The following ZNF215 variants were observed in gnomAD, a reference collection of about 807,000 sequenced individuals.
ZNF215 encodes zinc finger protein 215.
ZNF215 carries 24 observed loss-of-function variants against 27.2 expected under a neutral mutation model. The ratio of observed to expected loss-of-function variants is 0.88; its 90% CI spans 0.64 to 1.24. The LOEUF is 1.24. Among genes scored for constraint, ZNF215 ranks in the 50% most tolerant of loss-of-function variants. ZNF215 has a pLI of 0.00. For missense variants in ZNF215, 675 were observed against 605.7 expected (o/e 1.11, Z -1.20); for synonymous variants, 210 against 204.0 (o/e 1.03, Z -0.25).
At chr11:6,942,623 T>TA (rs1421754057) in intron 4 of ZNF215, among the ~76,000 whole-genome samples, 3 of 152,182 alleles carry the variant, frequency 2.0e-5, no homozygotes, top group African/African-American at 7.2e-5. Flanking sequence ...TCCCAAATGA[T>TA]AAGAGTTATC....
intron 5 of ZNF215, among the ~76,000 whole-genome samples, chr11:6,966,554 A>G (rs1001766248): frequency 1.3e-5 from 2 of 152,152 alleles, no homozygotes; most frequent in Admixed American, 1.3e-4. Context: ...ATAATATTCT[A>G]TGGACAGAAT....
At chr11:6,952,620 A>G (rs1590066774) in intron 6 of ZNF215, among the ~76,000 whole-genome samples, 4 of 151,854 alleles carry the variant, frequency 2.6e-5, no homozygotes, top group East Asian at 3.9e-4. Context: ...TTTTGAGCCT[A>G]TGTGTGTCTC....
At chr11:6,973,987 G>A (rs1850776643) in intron 5 of ZNF215, among the ~76,000 whole-genome samples, 1 of 152,086 alleles carries the variant, frequency 6.6e-6, no homozygotes, top group Non-Finnish European at 1.5e-5. Flanking sequence ...TGTACTGAAT[G>A]GTACTGCCTA....
intron 5 of ZNF215, among the ~76,000 whole-genome samples, chr11:6,980,021 C>G (rs2133351955): frequency 6.6e-6 from 1 of 152,166 alleles, no homozygotes; most frequent in Non-Finnish European, 1.5e-5. Flanking sequence ...ATGCGTGCAA[C>G]ACACAACAAA....
At chr11:6,973,315 G>C (rs1033225536) in intron 5 of ZNF215, among the ~76,000 whole-genome samples, 5 of 152,136 alleles carry the variant, frequency 3.3e-5, no homozygotes, top group African/African-American at 1.2e-4. Flanking sequence ...ATTTGGATTG[G>C]TTCCAAGTCT....
downstream of ZNF215, among the ~76,000 whole-genome samples, chr11:6,993,316 T>C (rs1038556960): frequency 1.3e-5 from 2 of 152,222 alleles, no homozygotes; most frequent in African/African-American, 4.8e-5. Flanking sequence ...TCTTAAGGTC[T>C]GGATTGGGAC....
At chr11:6,965,795 A>AT (rs2133326664) in intron 5 of ZNF215, among the ~76,000 whole-genome samples, 1 of 152,138 alleles carries the variant, frequency 6.6e-6, no homozygotes, top group South Asian at 2.1e-4. Flanking sequence ...TTGTGATCTC[A>AT]TTGAGATTTT....
chr11:6,975,518 C>G (rs892698582), intron 5 of ZNF215, among the ~76,000 whole-genome samples: 2 of 151,934 alleles, frequency 1.3e-5, no homozygotes, highest in African/African-American at 4.8e-5. Context: ...CTCCCAGCCC[C>G]TAACTACCCT....
intron 5 of ZNF215, among the ~76,000 whole-genome samples, chr11:6,972,191 C>T (rs1388524): frequency 0.99 from 150,294 of 152,170 alleles, 74,241 homozygotes; most frequent in Middle Eastern, 1. Context: ...CTTTTGTTTT[C>T]TTTGTGGAGA....
chr11:6,975,580 G>A (rs1358608654), intron 5 of ZNF215, among the ~76,000 whole-genome samples: 3 of 151,814 alleles, frequency 2.0e-5, no homozygotes, highest in South Asian at 2.1e-4. Context: ...GAGTTCAATT[G>A]TTTTAACCTT....
chr11:6,928,850 T>C (rs987960671), intron 2 of ZNF215, among the ~76,000 whole-genome samples: 1 of 152,198 alleles, frequency 6.6e-6, no homozygotes, highest in Non-Finnish European at 1.5e-5. Flanking sequence ...CTCTCTTGGC[T>C]GGTGGCTCAA....
At chr11:6,988,220 A>G (rs1052002579), downstream of ZNF215, 1 of 985,332 alleles carries the variant, frequency 1.0e-6, no homozygotes, top group African/African-American at 1.7e-5. Context: ...CGATAGGGAG[A>G]ACACACTGAA....
At chr11:6,948,927 T>C (rs1243443311) in intron 6 of ZNF215, among the ~76,000 whole-genome samples, 4 of 118,176 alleles carry the variant, frequency 3.4e-5, no homozygotes, top group African/African-American at 1.3e-4. Context: ...AGTCCCAGAG[T>C]GTGATGTTCC....
At chr11:6,950,400 A>G (rs374075188) in intron 6 of ZNF215, among the ~76,000 whole-genome samples, 1 of 151,530 alleles carries the variant, frequency 6.6e-6, no homozygotes, top group Non-Finnish European at 1.5e-5. Context: ...TATCCTCTTT[A>G]ATTTCATTGA....
At position 6,945,176 on chromosome 11, in the gene ZNF215, C is replaced by T. The variant is rs188760206; in HGVS notation, c.712+1535C>T. 1.9e-3 allele frequency among the ~76,000 whole-genome samples: 296 copies of T among 152,204 alleles called. 1 individual carries two copies. Among genetic ancestry groups the T allele is most frequent in the Middle Eastern group, 3.4e-3 (1 of 294 alleles). On this transcript the variant is annotated intron_variant, in intron 6 of 6. Transcript: ENST00000278319. Reference sequence around the variant, plus strand: ...ACACTGGGTATTACTTACCCGAATTCTTTATTAATTTCATAGGCAAATTAC... The same window carrying T: ...ACACTGGGTATTACTTACCCGAATTTTTTATTAATTTCATAGGCAAATTAC...
chr11:6,974,364 A>T (rs191580354), intron 5 of ZNF215, among the ~76,000 whole-genome samples: 2,555 of 152,132 alleles, frequency 0.017, 78 homozygotes, highest in East Asian at 0.15. Flanking sequence ...CTTAGGATTG[A>T]CTTGGCCATG....
chr11:6,934,530 T>C (rs906149343), intron 3 of ZNF215, among the ~76,000 whole-genome samples: 4 of 152,166 alleles, frequency 2.6e-5, no homozygotes, highest in Non-Finnish European at 1.5e-5. Flanking sequence ...CCGTTTTCTT[T>C]CTGGGGCTTA....
intron 6 of ZNF215, among the ~76,000 whole-genome samples, chr11:6,951,369 C>G (rs888648277): frequency 6.6e-6 from 1 of 152,004 alleles, no homozygotes; most frequent in Non-Finnish European, 1.5e-5. Flanking sequence ...GTCCTGGACT[C>G]TTTTTGGTTG....
chr11:6,944,200 C>T lies in ZNF215; in HGVS notation c.712+559C>T, dbSNP rs548718964. Among the ~76,000 whole-genome samples the T allele has an allele frequency of 1.2e-4, 19 of 152,042 alleles. No individual in the cohort carries two copies. In the South Asian group the frequency reaches 1.9e-3, roughly 15 times the overall value. On this transcript the variant is annotated intron_variant, in intron 6 of 6. Transcript: ENST00000278319. ...CTGAGGCAGGAGAATGGCGTGAACCCGGGAGGCGGAGCTTGCAGTGAGCCA... is the reference window on the plus strand; with the variant it reads ...CTGAGGCAGGAGAATGGCGTGAACCTGGGAGGCGGAGCTTGCAGTGAGCCA...
Sources: gnomAD v4.1 joint callset for allele counts (sites outside exome capture counted in the v4.1 genomes callset) on GRCh38, gnomAD v4.1.1 for gene constraint, MANE v1.5 for transcripts, NCBI Gene and HGNC (gene_info 2026-07-23, HGNC 2026-07-21) for gene names.